The following HCN1 variants were observed in gnomAD, a reference collection of about 807,000 sequenced individuals.
HCN1 encodes the protein potassium/sodium hyperpolarization-activated cyclic nucleotide-gated channel 1.
Under a neutral mutation model 78.9 loss-of-function variants are expected in HCN1, and 13 were observed. The observed-to-expected ratio is 0.16, with a 90% confidence interval of 0.11 to 0.26. The LOEUF (loss-of-function observed/expected upper bound fraction) is 0.26, where lower values mean the gene tolerates loss of function less well. Among genes scored for constraint, HCN1 ranks in the 10% least tolerant of loss-of-function variants. The pLI is 1.00. For synonymous variants in HCN1, 552 were observed against 455.5 expected, an observed-to-expected ratio of 1.21 and a Z score of -2.70; for missense variants, 810 against 1,154.3, an observed-to-expected ratio of 0.70 and a Z score of 4.32.
chr5:45,580,276 A>G (rs1421535026), intron 2 of HCN1, among the ~76,000 whole-genome samples: 2 of 152,102 alleles, frequency 1.3e-5, no homozygotes, highest in African/African-American at 2.4e-5. Flanking sequence ...TTAAATGTGA[A>G]CAAGGAAGGC....
intron 4 of HCN1, among the ~76,000 whole-genome samples, chr5:45,372,216 ATAATATATATAATATATATTATATTTTAT>A: frequency 2.7e-5 from 2 of 74,336 alleles, no homozygotes; most frequent in African/African-American, 1.2e-4. Context: ...ATTATATAAT[ATAATATATATAATATATATTATATTTTAT>A]ATATAATATA....
rs185060611 is a variant in HCN1 at position 45,303,855 on chromosome 5, G to A, written c.1378-16C>T. 8.7e-6 allele frequency: 14 copies of A among 1,607,284 alleles called. No homozygotes were observed. Among genetic ancestry groups the A allele is most frequent in the African/African-American group, 5.3e-5 (4 of 74,832 alleles). Reference sequence around the variant, plus strand: ...TGACTATCTCCTAAAGATGTCAAGAGTAAACAAATATTAAGAGAGATATTA... The same window carrying A: ...TGACTATCTCCTAAAGATGTCAAGAATAAACAAATATTAAGAGAGATATTA... On this transcript the variant is annotated splice_polypyrimidine_tract_variant and intron_variant, in intron 5 of 7. Transcript: ENST00000303230.
intron 2 of HCN1, among the ~76,000 whole-genome samples, chr5:45,604,666 A>G (rs1744692216): frequency 6.6e-6 from 1 of 152,036 alleles, no homozygotes; most frequent in Non-Finnish European, 1.5e-5. Flanking sequence ...TGAATGCTTT[A>G]GCTGTAAGAA....
intron 2 of HCN1, among the ~76,000 whole-genome samples, chr5:45,483,429 G>C (rs1741694061): frequency 6.6e-6 from 1 of 152,000 alleles, no homozygotes; most frequent in Non-Finnish European, 1.5e-5. Flanking sequence ...ATCTTCTTTT[G>C]AGAAGTTCAT....
chr5:45,531,543 G>A (rs1377221261), intron 2 of HCN1, among the ~76,000 whole-genome samples: 1 of 152,120 alleles, frequency 6.6e-6, no homozygotes, highest in Admixed American at 6.5e-5. Flanking sequence ...TAGCCATTGT[G>A]TTGTGTAAGT....
chr5:45,686,295 C>T (rs1348985180), intron 1 of HCN1, among the ~76,000 whole-genome samples: 2 of 151,872 alleles, frequency 1.3e-5, no homozygotes, highest in African/African-American at 2.4e-5. Context: ...TAAGCCTCTC[C>T]CTTTTCCTTT....
chr5:45,274,278 T>G (rs2111857613), intron 6 of HCN1, among the ~76,000 whole-genome samples: 1 of 152,264 alleles, frequency 6.6e-6, no homozygotes, highest in South Asian at 2.1e-4. Flanking sequence ...GCCCTGTTAT[T>G]TATGGTTATT....
At chr5:45,598,246 C>T (rs1374368183) in intron 2 of HCN1, among the ~76,000 whole-genome samples, 2 of 152,218 alleles carry the variant, frequency 1.3e-5, no homozygotes, top group South Asian at 2.1e-4. Flanking sequence ...CAACAGAGGC[C>T]TCAGAAATAA....
chr5:45,355,891 G>A (rs1463737295), intron 4 of HCN1, among the ~76,000 whole-genome samples: 2 of 151,980 alleles, frequency 1.3e-5, no homozygotes, highest in East Asian at 3.9e-4. Context: ...GTACTGAACA[G>A]TGGCCAGTGA....
intron 2 of HCN1, chr5:45,643,055 T>A (rs373022202): frequency 7.2e-5 from 11 of 152,136 alleles, no homozygotes; most frequent in African/African-American, 2.7e-4. Context: ...GGTTACCAAA[T>A]GTCTGTAAGT....
intron 1 of HCN1, among the ~76,000 whole-genome samples, chr5:45,658,490 C>A: frequency 6.6e-6 from 1 of 152,156 alleles, no homozygotes; most frequent in East Asian, 1.9e-4. Flanking sequence ...TCTACAGCTC[C>A]CAGCGTGAGC....
intron 5 of HCN1, among the ~76,000 whole-genome samples, chr5:45,342,265 G>C (rs1158719320): frequency 7.5e-6 from 1 of 133,476 alleles, no homozygotes; most frequent in Non-Finnish European, 1.6e-5. Context: ...ATGGAGTTTT[G>C]CTCTGTCACT....
intron 5 of HCN1, among the ~76,000 whole-genome samples, chr5:45,351,952 T>C (rs1477395693): frequency 6.6e-6 from 1 of 152,128 alleles, no homozygotes; most frequent in Admixed American, 6.6e-5. Flanking sequence ...GTTCAAACAT[T>C]GTGAAAGTCA....
intron 3 of HCN1, among the ~76,000 whole-genome samples, chr5:45,414,850 C>T (rs1740089708): frequency 6.6e-6 from 1 of 152,004 alleles, no homozygotes; most frequent in African/African-American, 2.4e-5. Context: ...TAGGTTACTT[C>T]TATTATTATA....
chr5:45,318,084 T>C (rs1012909171), intron 5 of HCN1, among the ~76,000 whole-genome samples: 2 of 152,160 alleles, frequency 1.3e-5, no homozygotes, highest in East Asian at 1.9e-4. Flanking sequence ...CAAAGGATTA[T>C]AAATCATGCA....
At chr5:45,324,636 T>C (rs1013219827) in intron 5 of HCN1, among the ~76,000 whole-genome samples, 10 of 151,892 alleles carry the variant, frequency 6.6e-5, no homozygotes, top group South Asian at 2.1e-4. Flanking sequence ...GAAGATGAAA[T>C]TCCACAGACT....
At chr5:45,455,013 G>A (rs1372560565) in intron 3 of HCN1, among the ~76,000 whole-genome samples, 4 of 152,046 alleles carry the variant, frequency 2.6e-5, no homozygotes, top group African/African-American at 9.7e-5. Flanking sequence ...CTGATCTAAA[G>A]CCAGCTAATA....
intron 2 of HCN1, among the ~76,000 whole-genome samples, chr5:45,512,968 C>T (rs978943817): frequency 1.3e-5 from 2 of 151,884 alleles, no homozygotes; most frequent in African/African-American, 2.4e-5. Context: ...CGCCAGAGCC[C>T]GACTTTAAAA....
chr5:45,695,965 C>T lies in HCN1; in HGVS notation c.129G>A (p.Pro43=), dbSNP rs1250800401. The change falls in exon 1 of 8, where the codon CCG becomes CCA. Residue 43 remains proline (P), a synonymous_variant. Transcript: ENST00000303230. ...CCTTCGCGCCGGCCCCGCCGCCCCC[C>T]GGCGGGGTGCCCAGGCGCTTCTCGG... The part of the protein sequence containing the change: ...AAAEKRLGTP[P]GGGGAGAKEH... 1.5e-6 allele frequency: 2 copies of T among 1,325,860 alleles called. No individual in the cohort carries two copies. Among genetic ancestry groups the T allele is most frequent in the East Asian group, 3.3e-5 (1 of 30,306 alleles). 82.1% of individuals were successfully genotyped at this position (1,325,860 alleles called of 1,614,324 possible). A position where few individuals can be genotyped will look rare whatever the true frequency, so the allele number is the denominator to read the frequency against.
Sources: gnomAD v4.1 joint callset for allele counts (sites outside exome capture counted in the v4.1 genomes callset) on GRCh38, gnomAD v4.1.1 for gene constraint, MANE v1.5 for transcripts, NCBI Gene and HGNC (gene_info 2026-07-23, HGNC 2026-07-21) for gene names.